The following DCAF1 variants were observed in gnomAD, a reference collection of about 807,000 sequenced individuals.
The protein encoded by DCAF1 is DDB1- and CUL4-associated factor 1.
DCAF1 carries 15 observed loss-of-function variants against 128.0 expected under a neutral mutation model. The ratio of observed to expected loss-of-function variants is 0.12; its 90% confidence interval spans 0.08 to 0.18. DCAF1 has a LOEUF of 0.18. DCAF1 is among the 10% of genes least tolerant of loss of function. The pLI, the probability that DCAF1 is intolerant of heterozygous loss-of-function variation, is 1.00. For synonymous variants in DCAF1, 610 were observed against 603.0 expected, an observed-to-expected ratio of 1.01 and a Z score of -0.17; for missense variants, 988 against 1,649.5, an observed-to-expected ratio of 0.60 and a Z score of 6.95.
intron 24 of DCAF1, among the ~76,000 whole-genome samples, chr3:51,400,987 C>T (rs1285644277): frequency 4.6e-5 from 7 of 151,988 alleles, no homozygotes; most frequent in Non-Finnish European, 1.5e-5. Context: ...AAAAAATTAG[C>T]TGGGGGTGGT....
At chr3:51,463,784 A>AAAC (rs1229371293) in intron 5 of DCAF1, among the ~76,000 whole-genome samples, 25 of 152,056 alleles carry the variant, frequency 1.6e-4, no homozygotes, top group African/African-American at 4.8e-4. Flanking sequence ...GTCTCCAAAA[A>AAAC]AACAACAACA....
chr3:51,422,265 A>G lies in DCAF1; in HGVS notation c.1972+42T>C, dbSNP rs189410893. The G allele has an allele frequency of 9.9e-5, 73 of 738,648 alleles. 1 individual carries two copies. The East Asian group carries it at 1.8e-3, about 18-fold the overall frequency. The allele number at this position is 738,648 out of a possible 1,614,324, so 45.8% of individuals were successfully genotyped here. The stretch of plus-strand genomic sequence containing the variant: ...GACCAGAGTGGCAAAGAAAAAACAA[A>G]TCCAGACCAAGAAACAACAAAAATG... On this transcript the variant is annotated intron_variant, in intron 14 of 24. Transcript: ENST00000684031.
intron 4 of DCAF1, among the ~76,000 whole-genome samples, chr3:51,470,219 T>C (rs1357023606): frequency 6.6e-6 from 1 of 152,086 alleles, no homozygotes; most frequent in African/African-American, 2.4e-5. Flanking sequence ...AGGATAATTA[T>C]TATTAGAAAG....
rs1252111241 is a variant in DCAF1, at chr3:51,473,727, C to T, written c.111-2722G>A. Among the ~76,000 whole-genome samples the T allele has an allele frequency of 5.3e-5, 8 of 151,936 alleles. No homozygotes were observed. The East Asian group carries it at 7.8e-4, about 15-fold the overall frequency. Reference sequence around the variant, plus strand: ...GGGGATTTGCTCCCCAGGCTGACCTCGAACTCCTGGGCTCAAGCCCACCCT... The same window carrying T: ...GGGGATTTGCTCCCCAGGCTGACCTTGAACTCCTGGGCTCAAGCCCACCCT... On this transcript the variant is annotated intron_variant, in intron 3 of 24. Transcript: ENST00000684031.
intron 2 of DCAF1, among the ~76,000 whole-genome samples, chr3:51,488,768 A>C (rs1359673399): frequency 8.6e-5 from 13 of 151,696 alleles, no homozygotes. Context: ...GCGCCACTGC[A>C]CTCCAGCCTA....
intron 23 of DCAF1, among the ~76,000 whole-genome samples, chr3:51,404,442 TC>T (rs782422010): frequency 3.2e-4 from 49 of 152,240 alleles, no homozygotes; most frequent in Non-Finnish European, 5.9e-5. Flanking sequence ...AGTGGTTACA[TC>T]TTTTTTCATT....
intron 9 of DCAF1, 141 bp from the exon 10 acceptor site, chr3:51,433,405 T>C (rs1266880908): frequency 5.1e-6 from 2 of 393,388 alleles, no homozygotes; most frequent in Non-Finnish European, 8.9e-6. Flanking sequence ...CCCAGTATTA[T>C]TTAAAGTAAA....
intron 5 of DCAF1, among the ~76,000 whole-genome samples, chr3:51,465,275 C>T (rs1238419429): frequency 2.0e-5 from 3 of 152,022 alleles, no homozygotes; most frequent in Non-Finnish European, 4.4e-5. Flanking sequence ...ACAAGGACAT[C>T]GTTACTGAGC....
intron 16 of DCAF1, 33 bp from the exon 17 acceptor site, chr3:51,418,231 G>GT: frequency 6.3e-7 from 1 of 1,585,448 alleles, no homozygotes. Flanking sequence ...GGGTAACCAC[G>GT]TATTTACATA....
chr3:51,401,783 T>C (rs1490651367), intron 24 of DCAF1, among the ~76,000 whole-genome samples: 2 of 152,212 alleles, frequency 1.3e-5, no homozygotes, highest in Non-Finnish European at 2.9e-5. Flanking sequence ...TGCTAACTAC[T>C]TGTAATTGAA....
chr3:51,421,117 T>A (rs1290291094), intron 14 of DCAF1, 120 bp from the exon 15 acceptor site: 2 of 1,186,766 alleles, frequency 1.7e-6, no homozygotes, highest in African/African-American at 3.1e-5. Flanking sequence ...ATATTACTTT[T>A]GTAAAAACTG....
chr3:51,489,811 ATGTG>A (rs553794183), intron 2 of DCAF1, among the ~76,000 whole-genome samples: 75 of 114,368 alleles, frequency 6.6e-4, no homozygotes, highest in Middle Eastern at 4.3e-3. Flanking sequence ...GTGTGTATGC[ATGTG>A]TGTGTGTGTG....
chr3:51,452,853 A>C (rs996127826), intron 6 of DCAF1, among the ~76,000 whole-genome samples: 2 of 152,066 alleles, frequency 1.3e-5, no homozygotes, highest in Non-Finnish European at 2.9e-5. Flanking sequence ...CTCTAATAAA[A>C]ATATTTTAAA....
At chr3:51,410,003 A>T (rs1470961697) in intron 23 of DCAF1, among the ~76,000 whole-genome samples, 2 of 152,162 alleles carry the variant, frequency 1.3e-5, no homozygotes, top group African/African-American at 4.8e-5. Context: ...CCCATATCTC[A>T]TAACTCACAT....
intron 23 of DCAF1, 148 bp from the exon 24 acceptor site, chr3:51,403,543 A>C (rs1041012282): frequency 1.5e-5 from 21 of 1,377,544 alleles, no homozygotes; most frequent in Non-Finnish European, 1.8e-5. Context: ...TGAGCCAGCC[A>C]GACTTGTCAG....
chr3:51,430,014 A>T lies in DCAF1; in HGVS notation c.1467+19T>A, dbSNP rs1553635141. The T allele has an allele frequency of 7.7e-6, 6 of 779,672 alleles. No homozygotes were observed. The highest frequency in any genetic ancestry group is 1.7e-5 in the African/African-American group (1 of 59,034). The allele number at this position is 779,672 out of a possible 1,614,324, so 48.3% of individuals were successfully genotyped here. A position where few individuals can be genotyped will look rare whatever the true frequency, so the allele number is the denominator to read the frequency against. ...CAGGACCCTCAATCCTAGGGAGAAA[A>T]GCACTGAAAGAACCTCACCAAGTTC... On this transcript the variant is annotated intron_variant, in intron 11 of 24. Transcript: ENST00000684031.
chr3:51,452,739 C>T (rs58568178), intron 6 of DCAF1, among the ~76,000 whole-genome samples: 11,218 of 152,190 alleles, frequency 0.074, 972 homozygotes, highest in East Asian at 0.33. Context: ...CGGCTGGGTG[C>T]AGTGGCTCAT....
intron 23 of DCAF1, among the ~76,000 whole-genome samples, chr3:51,406,414 G>A (rs1349287675): frequency 1.4e-5 from 2 of 146,102 alleles, no homozygotes; most frequent in African/African-American, 5.0e-5. Context: ...TTTAGAAAAT[G>A]TTTTGGATCC....
intron 5 of DCAF1, among the ~76,000 whole-genome samples, chr3:51,466,398 G>A (rs1327519891): frequency 6.6e-6 from 1 of 152,092 alleles, no homozygotes; most frequent in African/African-American, 2.4e-5. Flanking sequence ...TTCAGGAGCT[G>A]AGTAAAATAT....
Sources: gnomAD v4.1 joint callset for allele counts (sites outside exome capture counted in the v4.1 genomes callset) on GRCh38, gnomAD v4.1.1 for gene constraint, MANE v1.5 for transcripts, NCBI Gene and HGNC (gene_info 2026-07-23, HGNC 2026-07-21) for gene names.